The following MLXIP variants were observed in gnomAD, a reference collection of about 807,000 sequenced individuals.
MLXIP encodes MLX-interacting protein.
A neutral mutation model predicts 87.2 loss-of-function variants in MLXIP; 30 were observed. The observed-to-expected ratio is 0.34, with a 90% confidence interval of 0.26 to 0.47. The LOEUF is 0.47. Among genes scored for constraint, MLXIP ranks in the 20% least tolerant of loss-of-function variants. The probability of loss-of-function intolerance (pLI) is 1.00; values close to 1 mark genes in which losing one functional copy is unlikely to be tolerated. For missense variants in MLXIP, 1,002 were observed against 1,240.1 expected, an observed-to-expected ratio of 0.81 and a Z score of 2.88; for synonymous variants, 530 against 514.0, an observed-to-expected ratio of 1.03 and a Z score of -0.42.
rs1338031969 is a variant in MLXIP, at chr12:122,137,084, G to A, written c.2033-385G>A. On this transcript the variant is annotated intron_variant, in intron 11 of 16. Coordinates refer to ENST00000319080, the MANE Select transcript of MLXIP (RefSeq NM_014938.6). This position sits in a 1 kb window ranked among gnomAD's most constrained non-coding sequence, Gnocchi z 4.1. ...GGAGGCAGAGGCAGGTGGATCGCTT[G>A]AGCCCAGGAGATTGAGACCAGCCTA... 6.5e-6 allele frequency: 1 copy of A among 152,854 alleles called. No homozygotes were observed. The highest frequency in any genetic ancestry group is 1.5e-5 in the Non-Finnish European group (1 of 68,550). The allele number at this position is 152,854 out of a possible 1,614,324, so 9.5% of individuals were successfully genotyped here. A position where few individuals can be genotyped will look rare whatever the true frequency, so the allele number is the denominator to read the frequency against.
intron 1 of MLXIP, among the ~76,000 whole-genome samples, chr12:122,088,113 G>T (rs1170154230): frequency 6.6e-6 from 1 of 152,176 alleles, no homozygotes; most frequent in Non-Finnish European, 1.5e-5. Flanking sequence ...GGCTGTCAGT[G>T]TGGTGGACAT....
intron 1 of MLXIP, among the ~76,000 whole-genome samples, chr12:122,096,881 G>A (rs530100062): frequency 1.1e-3 from 175 of 152,340 alleles, no homozygotes; most frequent in African/African-American, 4.0e-3. Context: ...CCCAGCTGGC[G>A]TGAGCTCTCA....
intron 1 of MLXIP, among the ~76,000 whole-genome samples, chr12:122,094,612 GGT>G (rs1240115956): frequency 2.1e-5 from 3 of 144,722 alleles, no homozygotes; most frequent in African/African-American, 7.7e-5. Flanking sequence ...TTGTGTGTGT[GGT>G]GTATGTTTTC....
chr12:122,116,053 A>AACACACACACAC (rs138548664), intron 1 of MLXIP, among the ~76,000 whole-genome samples: 1,865 of 147,296 alleles, frequency 0.013, 39 homozygotes, highest in African/African-American at 0.044. Context: ...TCCATCTGAA[A>AACACACACACAC]ACACACACAC....
intron 1 of MLXIP, among the ~76,000 whole-genome samples, chr12:122,121,960 C>T (rs936505257): frequency 6.6e-6 from 1 of 152,196 alleles, no homozygotes; most frequent in African/African-American, 2.4e-5. Context: ...AAAACACCTC[C>T]CACGTGCCAG....
intron 2 of MLXIP, 158 bp from the exon 3 acceptor site, chr12:122,127,725 G>A (rs909681746): frequency 6.1e-6 from 1 of 164,124 alleles, no homozygotes. Flanking sequence ...CCTTTCACCT[G>A]GACTCCTTTA....
At chr12:122,132,190 G>T in intron 7 of MLXIP, 102 bp from the exon 8 acceptor site, 1 of 845,426 alleles carries the variant, frequency 1.2e-6, no homozygotes, top group South Asian at 1.5e-5. Context: ...CCAAAGTGCT[G>T]GGATTACAGG....
At position 122,137,402 on chromosome 12, in the gene MLXIP, C is replaced by T. The variant is rs1953111997; in HGVS notation, c.2033-67C>T. ...AGCACCTCATAACCCTGCAGAGACC[C>T]CAGGCTGCCTCCTGGTGGCGTTGAG... is the stretch of plus-strand genomic sequence containing the variant. On this transcript the variant is annotated intron_variant, in intron 11 of 16. Coordinates refer to ENST00000319080, the MANE Select transcript of MLXIP (RefSeq NM_014938.6). The surrounding 1 kb of genome is among the most constrained non-coding windows in gnomAD (Gnocchi z 4.1). 1.9e-6 allele frequency: 3 copies of T among 1,563,704 alleles called. No individual in the cohort carries two copies. Among genetic ancestry groups the T allele is most frequent in the African/African-American group, 1.4e-5 (1 of 73,334 alleles).
In MLXIP at chr12:122,109,905, T is replaced by G. The variant is rs145333313; in HGVS notation, c.414-17351T>G. Among the ~76,000 whole-genome samples, 523 of 152,314 alleles carry G rather than the reference T, an allele frequency of 3.4e-3. 2 individuals carry two copies. Among genetic ancestry groups the G allele is most frequent in the Non-Finnish European group, 6.3e-3 (427 of 68,028 alleles). On this transcript the variant is annotated intron_variant, in intron 1 of 16. Transcript: ENST00000319080. ...TGTTCGTATGCTTTTTTGAATCCTC[T>G]TCCTCAAATAAGCCAGAATCCTGTG...
chr12:122,097,555 G>A (rs1057102535), intron 1 of MLXIP, among the ~76,000 whole-genome samples: 2 of 151,904 alleles, frequency 1.3e-5, no homozygotes, highest in African/African-American at 2.4e-5. Flanking sequence ...AGAAGTTGGA[G>A]GCTGCTGAAC....
In MLXIP at chr12:122,082,385, A is replaced by ATAC. The variant is rs1468296119; in HGVS notation, c.413+3119_413+3120insTAC. ...GGAAAAAATCCTTATTTTTCCTTAG[A>ATAC]CTTATCTGAAGTCTAAGAATGCTAT... is the stretch of plus-strand genomic sequence containing the variant. On this transcript the variant is annotated intron_variant, in intron 1 of 16. Transcript: ENST00000319080. Among the ~76,000 whole-genome samples the ATAC allele has an allele frequency of 5.9e-5, 9 of 152,264 alleles. No individual in the cohort carries two copies. In the East Asian group the frequency reaches 1.7e-3, roughly 29 times the overall value.
At chr12:122,130,484 C>T (rs1307617210) in intron 6 of MLXIP, among the ~76,000 whole-genome samples, 1 of 151,214 alleles carries the variant, frequency 6.6e-6, no homozygotes, top group Admixed American at 6.6e-5. Flanking sequence ...AGAAGCACTC[C>T]CGGGTGTGAC....
chr12:122,083,901 A>G (rs988026237), intron 1 of MLXIP, among the ~76,000 whole-genome samples: 3 of 152,218 alleles, frequency 2.0e-5, no homozygotes, highest in African/African-American at 7.2e-5. Context: ...TCTCTTTTGC[A>G]GTCATACGGA....
intron 1 of MLXIP, among the ~76,000 whole-genome samples, chr12:122,097,850 C>CA (rs1476871265): frequency 2.0e-5 from 3 of 151,838 alleles, no homozygotes; most frequent in East Asian, 1.9e-4. Flanking sequence ...ATGGGTTCCC[C>CA]CTCCCCACAA....
At position 122,129,930 on chromosome 12, in the gene MLXIP, T is replaced by C. The variant is rs762139534; in HGVS notation, c.739-11T>C. The stretch of plus-strand genomic sequence containing the variant: ...TTTGATGCTTCCTCCCCTGTGTTGG[T>C]GTTGTGTTAGGACGATGACATGCTG... On this transcript the variant is annotated splice_polypyrimidine_tract_variant and intron_variant, in intron 5 of 16. Coordinates refer to ENST00000319080, the MANE Select transcript of MLXIP (RefSeq NM_014938.6). 5.6e-6 allele frequency: 9 copies of C among 1,603,836 alleles called. No homozygotes were observed. In the Admixed American group the frequency reaches 1.5e-4, roughly 27 times the overall value.
intron 1 of MLXIP, among the ~76,000 whole-genome samples, chr12:122,092,865 TTA>T (rs1457476926): frequency 1.3e-3 from 204 of 152,178 alleles, no homozygotes; most frequent in African/African-American, 4.5e-3. Context: ...ACATTTTATG[TTA>T]TGTTACCTAT....
intron 16 of MLXIP, 50 bp downstream of exon 16, chr12:122,141,133 A>C: frequency 6.4e-7 from 1 of 1,568,516 alleles, no homozygotes; most frequent in Non-Finnish European, 8.6e-7. Flanking sequence ...TCCTGGAGGG[A>C]GGACAGCCCC....
intron 1 of MLXIP, among the ~76,000 whole-genome samples, chr12:122,093,944 T>G: frequency 4.1e-5 from 5 of 121,148 alleles, no homozygotes; most frequent in Admixed American, 1.7e-4. Context: ...GTGTGTGGGG[T>G]GTGTTGGTGT....
intron 5 of MLXIP, 76 bp from the exon 6 acceptor site, chr12:122,129,865 C>T (rs1171402690): frequency 5.2e-6 from 8 of 1,539,332 alleles, no homozygotes; most frequent in Non-Finnish European, 7.0e-6. Flanking sequence ...CGAATTTCCC[C>T]AGGTGACAGG....
Sources: gnomAD v4.1 joint callset for allele counts (sites outside exome capture counted in the v4.1 genomes callset) on GRCh38, gnomAD v4.1.1 for gene constraint, Gnocchi (gnomAD v3.1) non-coding constraint, MANE v1.5 for transcripts, NCBI Gene and HGNC (gene_info 2026-07-23, HGNC 2026-07-21) for gene names.